Variants in NUFIP1 observed in about 807,000 individuals in gnomAD.
NUFIP1 encodes nuclear FMR1 interacting protein 1.
Under a neutral mutation model 56.2 loss-of-function variants are expected in NUFIP1, and 38 were observed. That is an observed-to-expected ratio of 0.68 (90% CI 0.52 to 0.89). The LOEUF (loss-of-function observed/expected upper bound fraction) is 0.89, where lower values mean the gene tolerates loss of function less well. Ranked by LOEUF, NUFIP1 falls within the 40% of genes least tolerant of loss-of-function variation. The pLI is 0.00. For synonymous variants in NUFIP1, 215 were observed against 212.4 expected (o/e 1.01, Z -0.10); for missense variants, 567 against 605.8 (o/e 0.94, Z 0.67).
At chr13:44,971,303 C>T (rs897136179) in intron 5 of NUFIP1, among the ~76,000 whole-genome samples, 2 of 152,144 alleles carry the variant, frequency 1.3e-5, no homozygotes, top group African/African-American at 4.8e-5. Flanking sequence ...CTCTAAATTT[C>T]ACAAACCTAT....
chr13:44,977,051 C>T (rs945390712), intron 5 of NUFIP1, among the ~76,000 whole-genome samples: 19 of 149,802 alleles, frequency 1.3e-4, no homozygotes, highest in Admixed American at 6.1e-4. Context: ...TTGGGGGACA[C>T]ATTTAAACCA....
chr13:44,947,474 G>T (rs536906735), intron 8 of NUFIP1, among the ~76,000 whole-genome samples: 2 of 151,834 alleles, frequency 1.3e-5, no homozygotes, highest in African/African-American at 4.8e-5. Flanking sequence ...CCTGACCTCC[G>T]GTGATCCACC....
intron 8 of NUFIP1, among the ~76,000 whole-genome samples, chr13:44,947,327 C>T (rs1870934551): frequency 6.6e-6 from 1 of 151,120 alleles, no homozygotes; most frequent in African/African-American, 2.4e-5. Context: ...CAACCTCCAC[C>T]TTCTGGGTTC....
chr13:44,959,935 CT>C (rs780739517), intron 6 of NUFIP1, among the ~76,000 whole-genome samples: 286 of 142,940 alleles, frequency 2.0e-3, no homozygotes, highest in African/African-American at 2.3e-3. Flanking sequence ...TTTTTCTTCT[CT>C]TTTTTTTTTT....
chr13:44,976,436 AGAGGAAGAG>A (rs1450111436), intron 5 of NUFIP1, among the ~76,000 whole-genome samples: 4 of 151,338 alleles, frequency 2.6e-5, no homozygotes, highest in Non-Finnish European at 5.9e-5. Flanking sequence ...AGGAGGAGGA[AGAGGAAGAG>A]GAGGAAGAGG....
chr13:44,973,447 C>T (rs1218354115), intron 5 of NUFIP1, among the ~76,000 whole-genome samples: 1 of 152,216 alleles, frequency 6.6e-6, no homozygotes, highest in African/African-American at 2.4e-5. Flanking sequence ...CAACCACTTA[C>T]TTGTGTGTAC....
intron 3 of NUFIP1, among the ~76,000 whole-genome samples, chr13:44,980,447 A>G (rs1437446931): frequency 2.0e-5 from 3 of 152,210 alleles, no homozygotes; most frequent in Non-Finnish European, 2.9e-5. Context: ...CAAGGTAACT[A>G]GAGGAGAGGA....
At chr13:44,979,160 G>C in intron 5 of NUFIP1, 30 bp downstream of exon 5, 1 of 1,538,968 alleles carries the variant, frequency 6.5e-7, no homozygotes. Context: ...CAGTAAAACA[G>C]TTATTTCACC....
chr13:44,979,315 T>C, intron 4 of NUFIP1, 49 bp from the exon 5 acceptor site: 1 of 1,460,858 alleles, frequency 6.8e-7, no homozygotes, highest in Non-Finnish European at 9.4e-7. Context: ...TCATATGCTT[T>C]TGACTAACTT....
chr13:44,969,287 A>G (rs868842885), intron 5 of NUFIP1, among the ~76,000 whole-genome samples: 2 of 152,156 alleles, frequency 1.3e-5, no homozygotes, highest in African/African-American at 4.8e-5. Flanking sequence ...TTACACACAT[A>G]AACAACAGTA....
intron 1 of NUFIP1, among the ~76,000 whole-genome samples, chr13:44,986,725 A>G (rs181232440): frequency 1.2e-4 from 19 of 152,018 alleles, no homozygotes; most frequent in African/African-American, 3.9e-4. Context: ...TGGAGCCACA[A>G]GATGTGACTT....
At chr13:44,941,764 C>T (rs530706784) in intron 9 of NUFIP1, among the ~76,000 whole-genome samples, 27 of 152,300 alleles carry the variant, frequency 1.8e-4, no homozygotes, top group African/African-American at 3.6e-4. Flanking sequence ...CCACCCGCCT[C>T]GGCATCCCAA....
At position 44,965,873 on chromosome 13, in the gene NUFIP1, T is replaced by G. The variant is rs752357684; in HGVS notation, c.798A>C (p.Arg266Ser). ...KKKLKLEKEK[R>S]GAVLTTTQYG... ...ATTGTGTTGTTGTCAATACTGCTCC[T>G]CTCTTCTCCTTTTCAAGTTTTAACT... is the stretch of plus-strand genomic sequence containing the variant. The change falls in exon 6 of 10, where the codon AGA becomes AGC. Residue 266 changes from arginine to serine, a missense_variant. By Grantham distance (110) the Arg-to-Ser change is moderately radical (BLOSUM62 -1). Transcript: ENST00000379161. 7 of 1,601,944 alleles carry G rather than the reference T, an allele frequency of 4.4e-6. No individual in the cohort carries two copies. The highest frequency in any genetic ancestry group is 6.0e-6 in the Non-Finnish European group (7 of 1,175,528).
At chr13:44,988,385 A>G (rs1872506052) in intron 1 of NUFIP1, among the ~76,000 whole-genome samples, 1 of 152,218 alleles carries the variant, frequency 6.6e-6, no homozygotes, top group South Asian at 2.1e-4. Flanking sequence ...CAGAGACTGC[A>G]TAGGCTGGAG....
At chr13:44,949,897 C>T (rs1593358174) in intron 7 of NUFIP1, 59 bp from the exon 8 acceptor site, 2 of 1,003,418 alleles carry the variant, frequency 2.0e-6, no homozygotes, top group East Asian at 4.8e-5. Flanking sequence ...CTGTCCATCC[C>T]CCATTCCCTC....
intron 6 of NUFIP1, among the ~76,000 whole-genome samples, chr13:44,964,350 C>T (rs1593363959): frequency 6.6e-6 from 1 of 152,058 alleles, no homozygotes; most frequent in Non-Finnish European, 1.5e-5. Context: ...CCTGAAATAA[C>T]CAAAAAACTA....
intron 2 of NUFIP1, among the ~76,000 whole-genome samples, chr13:44,981,064 A>C (rs976345733): frequency 2.5e-4 from 38 of 152,232 alleles, no homozygotes; most frequent in African/African-American, 9.2e-4. Context: ...AATAGTGCTA[A>C]TATAAATTAT....
intron 1 of NUFIP1, among the ~76,000 whole-genome samples, chr13:44,986,691 C>CAAA (rs1190227669): frequency 7.4e-5 from 4 of 54,018 alleles, no homozygotes; most frequent in Non-Finnish European, 1.5e-4. Context: ...GACTCCATCT[C>CAAA]AAAAAAAAAA....
intron 8 of NUFIP1, among the ~76,000 whole-genome samples, chr13:44,946,443 T>C (rs1387882806): frequency 6.6e-6 from 1 of 152,182 alleles, no homozygotes; most frequent in African/African-American, 2.4e-5. Context: ...TGTAAAACTG[T>C]GCTTAAATTC....
Sources: gnomAD v4.1 joint callset for allele counts (sites outside exome capture counted in the v4.1 genomes callset) on GRCh38, gnomAD v4.1.1 for gene constraint, MANE v1.5 for transcripts, NCBI Gene and HGNC (gene_info 2026-07-23, HGNC 2026-07-21) for gene names.